The following MAGI2 variants were observed in gnomAD, a reference collection of about 807,000 sequenced individuals.
MAGI2 encodes membrane-associated guanylate kinase, WW and PDZ domain-containing protein 2.
In MAGI2, 35 loss-of-function variants were observed where a neutral mutation model predicts 133.3. The observed-to-expected ratio is 0.26, with a 90% CI of 0.20 to 0.35. MAGI2 has a LOEUF of 0.35. Among genes scored for constraint, MAGI2 ranks in the 10% least tolerant of loss-of-function variants. The probability of loss-of-function intolerance (pLI) is 1.00; values close to 1 mark genes in which losing one functional copy is unlikely to be tolerated. For synonymous variants in MAGI2, 729 were observed against 710.6 expected, an observed-to-expected ratio of 1.03 and a Z score of -0.41; for missense variants, 1,636 against 1,863.4, an observed-to-expected ratio of 0.88 and a Z score of 2.25.
chr7:79,315,164 C>CTTTT lies in MAGI2; in HGVS notation c.301+137852_301+137855dup, dbSNP rs33911640. ...ACAGTAGTATAAACTAGATTTAACTCTTTTTTTTTTTTTTAAGGTGAAGTC... is the reference window on the plus strand; with the variant it reads ...ACAGTAGTATAAACTAGATTTAACTCTTTTTTTTTTTTTTTTTTAAGGTGAAGTC... On this transcript the variant is annotated intron_variant, in intron 1 of 21. Transcript: ENST00000354212. Among the ~76,000 whole-genome samples the CTTTT allele has an allele frequency of 4.2e-3, 595 of 140,684 alleles. 4 individuals carry two copies. The highest frequency in any genetic ancestry group is 5.6e-3 in the Admixed American group (79 of 14,006). The allele number at this position is 140,684 out of a possible 152,430, so 92.3% of individuals were successfully genotyped here. A position where few individuals can be genotyped will look rare whatever the true frequency, so the allele number is the denominator to read the frequency against.
chr7:79,246,515 A>T (rs1404637314), intron 1 of MAGI2, among the ~76,000 whole-genome samples: 1 of 152,228 alleles, frequency 6.6e-6, no homozygotes, highest in Non-Finnish European at 1.5e-5. Context: ...GACATACTGA[A>T]CAATGCATCA....
intron 20 of MAGI2, among the ~76,000 whole-genome samples, chr7:78,112,692 A>C (rs1471435951): frequency 2.6e-5 from 4 of 152,242 alleles, no homozygotes; most frequent in South Asian, 2.1e-4. Flanking sequence ...TGCATTCAGC[A>C]GTCAATATTT....
chr7:78,268,256 G>T (rs1174732242), intron 9 of MAGI2, among the ~76,000 whole-genome samples: 1 of 151,846 alleles, frequency 6.6e-6, no homozygotes, highest in Non-Finnish European at 1.5e-5. Flanking sequence ...TTAACCATGT[G>T]GTGGCATATT....
intron 3 of MAGI2, among the ~76,000 whole-genome samples, chr7:78,544,987 C>T (rs548759464): frequency 2.1e-4 from 32 of 151,396 alleles, no homozygotes; most frequent in African/African-American, 6.5e-4. Context: ...TCTAGTATCC[C>T]TGGCTGTTTA....
intron 1 of MAGI2, among the ~76,000 whole-genome samples, chr7:79,219,181 T>C (rs1323122220): frequency 1.3e-5 from 2 of 152,072 alleles, no homozygotes; most frequent in African/African-American, 2.4e-5. Context: ...ATCATTATTA[T>C]TGCTGCCAAA....
chr7:79,020,246 T>C (rs991558328), intron 1 of MAGI2, among the ~76,000 whole-genome samples: 3 of 152,126 alleles, frequency 2.0e-5, no homozygotes, highest in Non-Finnish European at 2.9e-5. Context: ...ATTTAGGGTA[T>C]CTGGTGGAAG....
chr7:79,324,059 C>T (rs193176997), intron 1 of MAGI2, among the ~76,000 whole-genome samples: 276 of 152,154 alleles, frequency 1.8e-3, no homozygotes, highest in Middle Eastern at 0.01. Context: ...TGATTTAGGG[C>T]AAATCCTCTT....
chr7:79,368,112 C>A (rs2129130423), intron 1 of MAGI2, among the ~76,000 whole-genome samples: 1 of 151,960 alleles, frequency 6.6e-6, no homozygotes, highest in Admixed American at 6.6e-5. Context: ...GATGACTGAG[C>A]ACTATATACT....
At chr7:78,487,519 A>C (rs1343487310) in intron 6 of MAGI2, 1 of 152,174 alleles carries the variant, frequency 6.6e-6, no homozygotes, top group African/African-American at 2.4e-5. Flanking sequence ...CAGTGAGCGC[A>C]AAGAAACTGG....
chr7:78,343,033 T>C (rs2151183817), intron 9 of MAGI2, among the ~76,000 whole-genome samples: 1 of 152,334 alleles, frequency 6.6e-6, no homozygotes, highest in South Asian at 2.1e-4. Flanking sequence ...TCTTCATTGT[T>C]TTCTAGATAA....
chr7:78,783,128 G>A (rs774739461), intron 2 of MAGI2, among the ~76,000 whole-genome samples: 1 of 149,580 alleles, frequency 6.7e-6, no homozygotes, highest in African/African-American at 2.5e-5. Flanking sequence ...ACGTAGCAGA[G>A]TGCCCAAGAA....
chr7:78,774,468 G>C (rs778913850), intron 2 of MAGI2, among the ~76,000 whole-genome samples: 2 of 152,148 alleles, frequency 1.3e-5, no homozygotes, highest in African/African-American at 4.8e-5. Context: ...TCTCTCAGTG[G>C]CTGTATAATT....
chr7:79,401,955 T>C (rs1012021213), intron 1 of MAGI2, among the ~76,000 whole-genome samples: 1 of 152,014 alleles, frequency 6.6e-6, no homozygotes, highest in Non-Finnish European at 1.5e-5. Flanking sequence ...CCCCACCAAA[T>C]AAAGAATAAA....
chr7:78,510,870 C>T (rs113354255), intron 4 of MAGI2, among the ~76,000 whole-genome samples: 6,332 of 152,260 alleles, frequency 0.042, 323 homozygotes, highest in African/African-American at 0.12. Context: ...CAATTTTATA[C>T]TGGTCCAAAG....
chr7:79,371,079 T>G (rs994856001), intron 1 of MAGI2, among the ~76,000 whole-genome samples: 5 of 152,054 alleles, frequency 3.3e-5, no homozygotes, highest in Admixed American at 3.3e-4. Context: ...GATATTCCAG[T>G]TTTTTAAGGA....
chr7:78,209,327 T>C (rs1787516647), intron 10 of MAGI2, among the ~76,000 whole-genome samples: 2 of 137,536 alleles, frequency 1.5e-5, no homozygotes, highest in South Asian at 2.7e-4. Flanking sequence ...AGTGGCGCGA[T>C]CTCGGCTCAC....
chr7:78,821,953 A>C (rs1444968562), intron 2 of MAGI2, among the ~76,000 whole-genome samples: 1 of 152,060 alleles, frequency 6.6e-6, no homozygotes, highest in Non-Finnish European at 1.5e-5. Flanking sequence ...TGGAGGATGA[A>C]AGAGAATCAT....
intron 2 of MAGI2, among the ~76,000 whole-genome samples, chr7:78,823,568 G>A (rs1433118139): frequency 1.6e-5 from 2 of 127,078 alleles, no homozygotes; most frequent in Non-Finnish European, 3.2e-5. Context: ...GGGTGACAGC[G>A]AGACTCCGTC....
chr7:78,900,723 C>T (rs1342249960), intron 2 of MAGI2, among the ~76,000 whole-genome samples: 1 of 151,998 alleles, frequency 6.6e-6, no homozygotes, highest in Non-Finnish European at 1.5e-5. Flanking sequence ...TTAATTATAC[C>T]ATATATTTAT....
Sources: allele counts gnomAD v4.1 joint callset (sites outside exome capture counted in the v4.1 genomes callset), GRCh38; gene constraint gnomAD v4.1.1; transcripts MANE v1.5; gene names NCBI Gene and HGNC (gene_info 2026-07-23, HGNC 2026-07-21).